The following SPAG1 variants were observed in gnomAD, a reference collection of about 807,000 sequenced individuals.
SPAG1 encodes sperm associated antigen 1.
In SPAG1, 69 loss-of-function variants were observed where a neutral mutation model predicts 100.5. The ratio of observed to expected loss-of-function variants is 0.69; its 90% CI spans 0.57 to 0.84. The LOEUF is 0.84. Ranked by LOEUF, SPAG1 falls within the 40% of genes least tolerant of loss-of-function variation. The probability of loss-of-function intolerance (pLI) is 0.00; values close to 1 mark genes in which losing one functional copy is unlikely to be tolerated. For missense variants in SPAG1, 955 were observed against 1,133.1 expected (o/e 0.84, Z 2.26); for synonymous variants, 336 against 411.6 (o/e 0.82, Z 2.22).
intron 15 of SPAG1, chr8:100,233,090 G>A (rs1306187579): frequency 1.1e-5 from 3 of 271,662 alleles, no homozygotes; most frequent in African/African-American, 2.3e-5. Context: ...CCTGCTCTGC[G>A]CCTTGTCTCA....
chr8:100,191,259 G>A (rs1281127433), intron 8 of SPAG1, 131 bp from the exon 9 acceptor site: 10 of 601,894 alleles, frequency 1.7e-5, no homozygotes, highest in Non-Finnish European at 2.9e-5. Flanking sequence ...ACATGAAAAA[G>A]GGTGTAGTTG....
intron 2 of SPAG1, among the ~76,000 whole-genome samples, chr8:100,164,242 T>A (rs540193559): frequency 3.3e-5 from 5 of 152,312 alleles, no homozygotes; most frequent in African/African-American, 1.2e-4. Context: ...CTCTTTCTGC[T>A]AGTCTCTAAT....
chr8:100,235,110 GGT>G (rs1440152104), intron 16 of SPAG1, among the ~76,000 whole-genome samples: 1 of 152,132 alleles, frequency 6.6e-6, no homozygotes, highest in Non-Finnish European at 1.5e-5. Context: ...CTCAGCTTGC[GGT>G]GTTAATAGGG....
chr8:100,183,360 A>G lies in SPAG1; in HGVS notation c.427-15A>G. ...TATTAAATATGTCTCATAAAATATGATTTTATTCTTTTAGGAAAAATATTC... is the reference window on the plus strand; with the variant it reads ...TATTAAATATGTCTCATAAAATATGGTTTTATTCTTTTAGGAAAAATATTC... On this transcript the variant is annotated splice_polypyrimidine_tract_variant and intron_variant, in intron 4 of 18. Transcript: ENST00000388798. The G allele has an allele frequency of 2.6e-6, 3 of 1,138,150 alleles. No individual in the cohort carries two copies. The highest frequency in any genetic ancestry group is 2.6e-6 in the Non-Finnish European group (2 of 765,128). The allele number at this position is 1,138,150 out of a possible 1,614,324, so 70.5% of individuals were successfully genotyped here. A position where few individuals can be genotyped will look rare whatever the true frequency, so the allele number is the denominator to read the frequency against.
chr8:100,178,192 C>CT (rs767404387), intron 4 of SPAG1, among the ~76,000 whole-genome samples: 4 of 151,416 alleles, frequency 2.6e-5, no homozygotes, highest in Non-Finnish European at 5.9e-5. Flanking sequence ...TGCCTTTAGT[C>CT]TTTTTTTTCT....
intron 16 of SPAG1, among the ~76,000 whole-genome samples, chr8:100,235,456 G>A (rs1818961320): frequency 6.6e-6 from 1 of 152,176 alleles, no homozygotes; most frequent in South Asian, 2.1e-4. Flanking sequence ...GGAAGTGATG[G>A]AGGGGATGCC....
In SPAG1 at chr8:100,178,890, C is replaced by T. The variant is rs1243421069; in HGVS notation, c.426+949C>T. ...GGTGGATGGATTGAGGCCAGGAGTT[C>T]GAGACCAGCCTGGCCAACATGGTGA... is the stretch of plus-strand genomic sequence containing the variant. On this transcript the variant is annotated intron_variant, in intron 4 of 18. Coordinates refer to ENST00000388798, the MANE Select transcript of SPAG1 (RefSeq NM_003114.5). 3.3e-5 allele frequency among the ~76,000 whole-genome samples: 5 copies of T among 151,288 alleles called. No individual in the cohort carries two copies. In the East Asian group the frequency reaches 5.8e-4, roughly 18 times the overall value.
At chr8:100,220,896 A>T (rs1207497197) in intron 13 of SPAG1, among the ~76,000 whole-genome samples, 1 of 152,094 alleles carries the variant, frequency 6.6e-6, no homozygotes, top group Non-Finnish European at 1.5e-5. Flanking sequence ...AACATGGCGA[A>T]ACCCCATCTC....
At chr8:100,202,664 C>T (rs1378746794) in intron 10 of SPAG1, among the ~76,000 whole-genome samples, 1 of 133,710 alleles carries the variant, frequency 7.5e-6, no homozygotes. Flanking sequence ...GAGCCGAGAT[C>T]GCGCCACTGC....
intron 16 of SPAG1, 80 bp downstream of exon 16, chr8:100,233,617 C>A (rs1818877088): frequency 1.4e-6 from 2 of 1,382,798 alleles, no homozygotes; most frequent in South Asian, 1.3e-5. Flanking sequence ...ATCTCCAGAT[C>A]TTGGGATGGG....
At chr8:100,210,991 G>A (rs938698131) in intron 10 of SPAG1, among the ~76,000 whole-genome samples, 5 of 151,968 alleles carry the variant, frequency 3.3e-5, no homozygotes, top group Non-Finnish European at 5.9e-5. Flanking sequence ...ACCATGCCCA[G>A]CTAATTTTTG....
chr8:100,217,601 C>T (rs536538217), intron 12 of SPAG1, among the ~76,000 whole-genome samples: 2 of 152,222 alleles, frequency 1.3e-5, no homozygotes, highest in South Asian at 4.2e-4. Context: ...CATCATTTTA[C>T]AACTTTTAAA....
intron 14 of SPAG1, among the ~76,000 whole-genome samples, chr8:100,226,284 A>G (rs978715507): frequency 1.7e-4 from 26 of 152,184 alleles, no homozygotes; most frequent in African/African-American, 6.3e-4. Context: ...GGCATGAGCC[A>G]CCATGCGTGG....
chr8:100,177,484 G>T (rs1221847563), intron 3 of SPAG1, among the ~76,000 whole-genome samples: 1 of 151,926 alleles, frequency 6.6e-6, no homozygotes, highest in African/African-American at 2.4e-5. Flanking sequence ...AAGTGTTTGT[G>T]TGGGTAAGTT....
rs530107503 is a variant in SPAG1 at position 100,240,052 on chromosome 8, A to G, written c.2281-351A>G. On this transcript the variant is annotated intron_variant, in intron 17 of 18. Transcript: ENST00000388798. ...TTTTTTTCCTCTTTAAGGAGGGAAG[A>G]AAAAACTGTTTTAGGAGAATCGAGC... Among the ~76,000 whole-genome samples, 78 of 152,328 alleles carry G rather than the reference A, an allele frequency of 5.1e-4. 1 individual carries two copies. The South Asian group carries it at 0.016, about 31-fold the overall frequency.
intron 16 of SPAG1, among the ~76,000 whole-genome samples, chr8:100,234,003 G>A (rs944338351): frequency 6.6e-6 from 1 of 152,210 alleles, no homozygotes; most frequent in Admixed American, 6.5e-5. Context: ...TAAGCCAGCT[G>A]ATGGTCAGTG....
rs1412417842 is a variant in SPAG1 at position 100,213,199 on chromosome 8, C to T, written c.1206C>T (p.Gly402=). 6.9e-7 allele frequency: 1 copy of T among 1,458,912 alleles called. No homozygotes were observed. Among genetic ancestry groups the T allele is most frequent in the Non-Finnish European group, 9.0e-7 (1 of 1,110,290 alleles). 90.4% of individuals were successfully genotyped at this position (1,458,912 alleles called of 1,614,324 possible). ...AAGGCGGCAAGCGGCCGGCAAGGGGCGCGCCGCAGCGGGGCCAGACCCCGG... is the reference window on the plus strand; with the variant it reads ...AAGGCGGCAAGCGGCCGGCAAGGGGTGCGCCGCAGCGGGGCCAGACCCCGG... ...KAEGGKRPAR[G]APQRGQTPEA... The change falls in exon 11 of 19, where the codon GGC becomes GGT. Residue 402 remains glycine, a synonymous_variant. Coordinates refer to ENST00000388798, the MANE Select transcript of SPAG1 (RefSeq NM_003114.5).
At chr8:100,202,088 T>C (rs922620668) in intron 10 of SPAG1, among the ~76,000 whole-genome samples, 3 of 152,104 alleles carry the variant, frequency 2.0e-5, no homozygotes, top group South Asian at 2.1e-4. Context: ...TCTGACACTA[T>C]CTCCAGGTAT....
In SPAG1 at chr8:100,162,344, A is replaced by G. The variant is rs1357568717; in HGVS notation, c.64A>G (p.Ile22Val). ...AACAACAAAAACATTCAAAATTCCC[A>G]TTGAACATCTAGATTTCAAATACAT... is the stretch of plus-strand genomic sequence containing the variant. Reference protein sequence around the residue: ...FGTTKTFKIPIEHLDFKYIEK... With the variant: ...FGTTKTFKIPVEHLDFKYIEK... Residue 22 changes from isoleucine (I) to valine (V), a missense_variant, in exon 2 of 19, where the codon ATT becomes GTT. Ile to Val is a conservative substitution (Grantham distance 29). Transcript: ENST00000388798. 3 of 1,602,008 alleles carry G rather than the reference A, an allele frequency of 1.9e-6. No homozygotes were observed. The highest frequency in any genetic ancestry group is 2.6e-6 in the Non-Finnish European group (3 of 1,175,184).
Sources: gnomAD v4.1 joint callset for allele counts (sites outside exome capture counted in the v4.1 genomes callset) on GRCh38, gnomAD v4.1.1 for gene constraint, MANE v1.5 for transcripts, NCBI Gene and HGNC (gene_info 2026-07-23, HGNC 2026-07-21) for gene names.